The following RBFOX1 variants were observed in gnomAD, a reference collection of about 807,000 sequenced individuals.
RBFOX1 encodes RNA binding protein fox-1 homolog 1.
RBFOX1 carries 8 observed loss-of-function variants against 57.7 expected under a neutral mutation model. The observed-to-expected ratio is 0.14, with a 90% CI of 0.08 to 0.25. The LOEUF (loss-of-function observed/expected upper bound fraction) is 0.25, where lower values mean the gene tolerates loss of function less well. Ranked by LOEUF, RBFOX1 falls within the 10% of genes least tolerant of loss-of-function variation. The pLI is 1.00. For missense variants in RBFOX1, 611 were observed against 548.5 expected, an observed-to-expected ratio of 1.11 and a Z score of -1.14; for synonymous variants, 326 against 222.4, an observed-to-expected ratio of 1.47 and a Z score of -4.15.
At chr16:5,292,230 G>A (rs2063552383) in intron 1 of RBFOX1, among the ~76,000 whole-genome samples, 1 of 152,146 alleles carries the variant, frequency 6.6e-6, no homozygotes, top group Admixed American at 6.5e-5. Context: ...TCTGGCCTGC[G>A]GCTGCAGGAG....
At chr16:7,391,151 G>T (rs916330574) in intron 4 of RBFOX1, among the ~76,000 whole-genome samples, 1 of 152,162 alleles carries the variant, frequency 6.6e-6, no homozygotes, top group Non-Finnish European at 1.5e-5. Flanking sequence ...GTTTTAGATA[G>T]GCAGCATGTC....
chr16:7,437,980 G>C (rs566271320), intron 4 of RBFOX1, among the ~76,000 whole-genome samples: 1 of 152,046 alleles, frequency 6.6e-6, no homozygotes, highest in East Asian at 1.9e-4. Flanking sequence ...GAAGCTTTTA[G>C]GATGCACTTT....
intron 1 of RBFOX1, among the ~76,000 whole-genome samples, chr16:6,119,776 A>G (rs1454118615): frequency 6.6e-6 from 1 of 152,222 alleles, no homozygotes; most frequent in Non-Finnish European, 1.5e-5. Flanking sequence ...CTAGGAGTAG[A>G]GGCACAAGTC....
intron 4 of RBFOX1, among the ~76,000 whole-genome samples, chr16:5,922,191 C>T (rs1050754083): frequency 6.6e-6 from 1 of 152,056 alleles, no homozygotes; most frequent in African/African-American, 2.4e-5. Context: ...AACCCTAGCT[C>T]TCTATGTGAA....
chr16:5,425,094 TATCTATCTATC>T (rs1264222512), intron 1 of RBFOX1, among the ~76,000 whole-genome samples: 4 of 147,178 alleles, frequency 2.7e-5, no homozygotes, highest in African/African-American at 1.0e-4. Context: ...TCTATCTATC[TATCTATCTATC>T]TATCTATCTA....
intron 4 of RBFOX1, among the ~76,000 whole-genome samples, chr16:7,173,329 T>C (rs1282532604): frequency 6.6e-6 from 1 of 152,206 alleles, no homozygotes. Flanking sequence ...TGGAGCTCAG[T>C]GCCACCATCC....
intron 3 of RBFOX1, among the ~76,000 whole-genome samples, chr16:6,687,983 T>C (rs1194043942): frequency 2.0e-5 from 3 of 152,206 alleles, no homozygotes; most frequent in African/African-American, 4.8e-5. Context: ...ACAAAACCAC[T>C]CTTGGAAACA....
intron 2 of RBFOX1, among the ~76,000 whole-genome samples, chr16:6,497,038 C>G (rs146414344): frequency 1.3e-5 from 2 of 152,198 alleles, no homozygotes; most frequent in Non-Finnish European, 2.9e-5. Flanking sequence ...TCTTGGTTGG[C>G]TTATATGAGG....
At chr16:7,619,672 T>C (rs1308357151) in intron 10 of RBFOX1, among the ~76,000 whole-genome samples, 5 of 152,196 alleles carry the variant, frequency 3.3e-5, no homozygotes, top group African/African-American at 7.2e-5. Context: ...GAGGCTCTTA[T>C]TCCCAAGAAG....
chr16:6,906,595 C>T (rs1468623297), intron 3 of RBFOX1, among the ~76,000 whole-genome samples: 1 of 152,140 alleles, frequency 6.6e-6, no homozygotes, highest in Non-Finnish European at 1.5e-5. Flanking sequence ...AGTAGTGTTT[C>T]CAGTAAATCC....
chr16:6,405,918 G>A (rs2093263831), intron 2 of RBFOX1, among the ~76,000 whole-genome samples: 1 of 152,198 alleles, frequency 6.6e-6, no homozygotes, highest in Admixed American at 6.5e-5. Context: ...AAAATTGCAA[G>A]TGCATGAGAA....
chr16:6,692,619 T>C (rs2060362241), intron 3 of RBFOX1, among the ~76,000 whole-genome samples: 1 of 126,566 alleles, frequency 7.9e-6, no homozygotes, highest in Admixed American at 9.1e-5. Flanking sequence ...CACCATGCAC[T>C]TTTCCATCCA....
At chr16:7,272,525 G>A (rs1050565340) in intron 4 of RBFOX1, among the ~76,000 whole-genome samples, 2 of 152,152 alleles carry the variant, frequency 1.3e-5, no homozygotes, top group Non-Finnish European at 2.9e-5. Context: ...TTCTTATTCT[G>A]CATCATTCAT....
intron 1 of RBFOX1, among the ~76,000 whole-genome samples, chr16:5,462,403 C>T (rs942682937): frequency 2.6e-5 from 4 of 151,916 alleles, no homozygotes; most frequent in East Asian, 1.9e-4. Flanking sequence ...CTCCTGACCT[C>T]GTGATCCACC....
chr16:5,288,507 A>G (rs1330723964), intron 1 of RBFOX1, among the ~76,000 whole-genome samples: 2 of 152,184 alleles, frequency 1.3e-5, no homozygotes, highest in Non-Finnish European at 2.9e-5. Context: ...ACATTAAAAA[A>G]ACAAAAGGTC....
intron 1 of RBFOX1, among the ~76,000 whole-genome samples, chr16:5,420,409 C>T (rs561517302): frequency 6.6e-6 from 1 of 151,932 alleles, no homozygotes; most frequent in Non-Finnish European, 1.5e-5. Context: ...CACACACACA[C>T]ACTCTCAGGT....
intron 1 of RBFOX1, among the ~76,000 whole-genome samples, chr16:6,248,183 AAG>A (rs1305874427): frequency 6.6e-6 from 1 of 152,188 alleles, no homozygotes; most frequent in East Asian, 1.9e-4. Flanking sequence ...CAACAAAAAA[AAG>A]GAAATAGAAT....
intron 2 of RBFOX1, among the ~76,000 whole-genome samples, chr16:6,447,953 C>T (rs1232072281): frequency 6.9e-6 from 1 of 145,008 alleles, no homozygotes; most frequent in East Asian, 2.1e-4. Context: ...ATCTGTGTTA[C>T]AATAACAAGA....
intron 4 of RBFOX1, among the ~76,000 whole-genome samples, chr16:7,178,145 C>A (rs537766786): frequency 4.0e-4 from 61 of 152,316 alleles, no homozygotes; most frequent in Admixed American, 3.4e-3. Flanking sequence ...ACAACAACAA[C>A]AAACAAAAAA....
Sources: allele counts gnomAD v4.1 joint callset (sites outside exome capture counted in the v4.1 genomes callset), GRCh38; gene constraint gnomAD v4.1.1; transcripts MANE v1.5; gene names NCBI Gene and HGNC (gene_info 2026-07-23, HGNC 2026-07-21).